The following SMPX variants were observed in gnomAD, a reference collection of about 807,000 sequenced individuals.
The protein encoded by SMPX is small muscle protein X-linked, also known as small muscular protein.
SMPX carries 2 observed loss-of-function variants against 6.3 expected under a neutral mutation model. The ratio of observed to expected loss-of-function variants is 0.32; its 90% CI spans 0.13 to 0.99. The LOEUF (loss-of-function observed/expected upper bound fraction) is 0.99, where lower values mean the gene tolerates loss of function less well. Ranked by LOEUF, SMPX falls within the 50% of genes least tolerant of loss-of-function variation. The probability of loss-of-function intolerance (pLI) is 0.49; values close to 1 mark genes in which losing one functional copy is unlikely to be tolerated. For missense variants in SMPX, 60 were observed against 66.8 expected (o/e 0.90, Z 0.36); for synonymous variants, 32 against 24.7 (o/e 1.30, Z -0.88).
intron 4 of SMPX, among the ~76,000 whole-genome samples, chrX:21,722,962 T>C (rs2056146907): frequency 8.9e-6 from 1 of 112,096 alleles, no homozygotes; most frequent in African/African-American, 3.2e-5. Context: ...TATTGCTTCA[T>C]TGATGCTTAG....
At chrX:21,731,076 T>C (rs1445033870) in intron 4 of SMPX, among the ~76,000 whole-genome samples, 1 of 111,217 alleles carries the variant, frequency 9.0e-6, no homozygotes, top group Non-Finnish European at 1.9e-5. Context: ...TTTGTTTTCA[T>C]TCGCCTCAAA....
chrX:21,723,964 A>T (rs1457574601), intron 4 of SMPX, among the ~76,000 whole-genome samples: 1 of 111,739 alleles, frequency 8.9e-6, no homozygotes, highest in African/African-American at 3.3e-5. Context: ...TCCTCTTCCT[A>T]TGTGCTGGGA....
At chrX:21,741,609 A>T (rs2092816108) in intron 3 of SMPX, among the ~76,000 whole-genome samples, 1 of 111,050 alleles carries the variant, frequency 9.0e-6, no homozygotes, top group African/African-American at 3.3e-5. Context: ...GAGTCATTAG[A>T]TCCCACTCCC....
chrX:21,715,312 GCGCGCGCGCT>G (rs2092783672), intron 4 of SMPX, among the ~76,000 whole-genome samples: 5 of 104,315 alleles, frequency 4.8e-5, no homozygotes, highest in African/African-American at 2.0e-4. Context: ...GTGCGCGCAC[GCGCGCGCGCT>G]CGCGCGCTGG....
chrX:21,750,081 G>A (rs1337190476), intron 2 of SMPX, among the ~76,000 whole-genome samples: 1 of 112,067 alleles, frequency 8.9e-6, no homozygotes, highest in Non-Finnish European at 1.9e-5. Flanking sequence ...CAAAGTGGGT[G>A]TGTTCAGGAG....
intron 4 of SMPX, among the ~76,000 whole-genome samples, chrX:21,710,363 G>T (rs946957392): frequency 5.0e-4 from 56 of 111,309 alleles, no homozygotes; most frequent in African/African-American, 1.7e-3. Flanking sequence ...GTATGCAAAG[G>T]TATACAGAGT....
chrX:21,710,040 G>A (rs1332702807), intron 4 of SMPX, among the ~76,000 whole-genome samples: 2 of 111,928 alleles, frequency 1.8e-5, no homozygotes, highest in East Asian at 5.6e-4. Context: ...AGATAGATAG[G>A]TGAAATTATG....
At chrX:21,730,478 C>T (rs1209671853) in intron 4 of SMPX, among the ~76,000 whole-genome samples, 2 of 112,276 alleles carry the variant, frequency 1.8e-5, no homozygotes, top group Non-Finnish European at 3.8e-5. Flanking sequence ...TGAGTAATTA[C>T]CCATCCCAGG....
intron 4 of SMPX, among the ~76,000 whole-genome samples, chrX:21,707,549 C>T (rs1389599471): frequency 8.9e-6 from 1 of 112,334 alleles, no homozygotes; most frequent in East Asian, 2.8e-4. Flanking sequence ...CTTCACCTCT[C>T]CCTACTACCA....
At chrX:21,733,624 A>G (rs1456136219) in intron 4 of SMPX, 7 of 297,988 alleles carry the variant, frequency 2.3e-5, no homozygotes, top group Admixed American at 2.2e-4. Flanking sequence ...GGTGCTTATT[A>G]GCATCATTGT....
At chrX:21,715,868 G>A (rs773423952) in intron 4 of SMPX, among the ~76,000 whole-genome samples, 9 of 111,092 alleles carry the variant, frequency 8.1e-5, no homozygotes, top group African/African-American at 1.6e-4. Context: ...TGCCCAGAAC[G>A]GCCCCAGTAA....
At chrX:21,728,308 C>A (rs1007283359) in intron 4 of SMPX, among the ~76,000 whole-genome samples, 1 of 96,486 alleles carries the variant, frequency 1.0e-5, no homozygotes, top group African/African-American at 3.8e-5. Context: ...TTAACTCTTC[C>A]TTTTTGTCAA....
chrX:21,706,833 C>T (rs1340455476), intron 4 of SMPX, among the ~76,000 whole-genome samples: 1 of 109,971 alleles, frequency 9.1e-6, no homozygotes, highest in Non-Finnish European at 1.9e-5. Context: ...ATGGCTTTCC[C>T]CCGTTTTGCT....
chrX:21,720,686 G>A (rs1210405659), intron 4 of SMPX, among the ~76,000 whole-genome samples: 1 of 111,731 alleles, frequency 9.0e-6, no homozygotes, highest in Non-Finnish European at 1.9e-5. Context: ...ATATTGCTTG[G>A]GCATTTATGA....
At chrX:21,729,690 C>G (rs1486316769) in intron 4 of SMPX, among the ~76,000 whole-genome samples, 1 of 111,765 alleles carries the variant, frequency 8.9e-6, no homozygotes, top group Non-Finnish European at 1.9e-5. Context: ...ACCAAGCTGG[C>G]TGAAGCAAAT....
chrX:21,746,202 C>A (rs1323664993), intron 2 of SMPX, among the ~76,000 whole-genome samples: 1 of 111,894 alleles, frequency 8.9e-6, no homozygotes, highest in Non-Finnish European at 1.9e-5. Context: ...CAATGCAAAG[C>A]AGGCAGAGGT....
intron 4 of SMPX, among the ~76,000 whole-genome samples, chrX:21,730,860 G>T (rs2092802413): frequency 8.9e-6 from 1 of 112,071 alleles, no homozygotes; most frequent in African/African-American, 3.2e-5. Context: ...TGAAAGGAAT[G>T]ATATTTCCAT....
intron 3 of SMPX, among the ~76,000 whole-genome samples, chrX:21,741,148 A>C (rs754125283): frequency 9.8e-5 from 11 of 112,120 alleles, no homozygotes; most frequent in Non-Finnish European, 1.9e-4. Context: ...AGGCCTTGGC[A>C]GACAGCCAAA....
Position 21,709,703 on chromosome X carries a change from A to T in SMPX, c.*15-3309T>A, listed in dbSNP as rs1027504092. On this transcript the variant is annotated intron_variant, in intron 4 of 4. Coordinates refer to ENST00000379494, the MANE Select transcript of SMPX (RefSeq NM_014332.3). ...TCCACTATGCTGCCAATTCTGCCCT[A>T]GGTCCCAGCTCTAGCCCCATGATGG... 2.6e-4 allele frequency among the ~76,000 whole-genome samples: 29 copies of T among 111,852 alleles called. 1 individual carries two copies. The highest frequency in any genetic ancestry group is 7.2e-4 in the African/African-American group (22 of 30,700).
Sources: gnomAD v4.1 joint callset for allele counts (sites outside exome capture counted in the v4.1 genomes callset) on GRCh38, gnomAD v4.1.1 for gene constraint, MANE v1.5 for transcripts, NCBI Gene and HGNC (gene_info 2026-07-23, HGNC 2026-07-21) for gene names.